TMEM132D: variants seen among roughly 807,000 people sequenced by gnomAD.
The protein encoded by TMEM132D is mature OL transmembrane protein.
TMEM132D carries 21 observed loss-of-function variants against 62.3 expected under a neutral mutation model. The observed-to-expected ratio is 0.34, with a 90% CI of 0.24 to 0.49. The LOEUF is 0.49. Among genes scored for constraint, TMEM132D ranks in the 20% least tolerant of loss-of-function variants. The pLI is 0.99. For synonymous variants in TMEM132D, 621 were observed against 575.6 expected, an observed-to-expected ratio of 1.08 and a Z score of -1.13; for missense variants, 1,346 against 1,402.8, an observed-to-expected ratio of 0.96 and a Z score of 0.65.
intron 1 of TMEM132D, among the ~76,000 whole-genome samples, chr12:129,835,026 G>A (rs1178389640): frequency 1.9e-4 from 29 of 152,170 alleles, no homozygotes; most frequent in Admixed American, 1.8e-3. Flanking sequence ...AGGATAGAGT[G>A]TAACATCAGC....
intron 5 of TMEM132D, among the ~76,000 whole-genome samples, chr12:129,206,339 G>A (rs1878847318): frequency 6.6e-6 from 1 of 152,144 alleles, no homozygotes; most frequent in Admixed American, 6.5e-5. Context: ...TGGCCAATAA[G>A]CATATGAGAA....
chr12:129,319,274 C>T (rs1219470715), intron 4 of TMEM132D, among the ~76,000 whole-genome samples: 1 of 152,226 alleles, frequency 6.6e-6, no homozygotes, highest in Non-Finnish European at 1.5e-5. Context: ...GCTCCCAGGG[C>T]CTTTCTGCTG....
At chr12:129,593,365 T>C (rs1480321953) in intron 2 of TMEM132D, among the ~76,000 whole-genome samples, 1 of 152,216 alleles carries the variant, frequency 6.6e-6, no homozygotes, top group Non-Finnish European at 1.5e-5. Context: ...CCAGATATTT[T>C]ATTGTACTAT....
chr12:129,123,520 C>T (rs544660593), intron 5 of TMEM132D, among the ~76,000 whole-genome samples: 2 of 152,274 alleles, frequency 1.3e-5, no homozygotes, highest in African/African-American at 4.8e-5. Context: ...GTGGGGTCTC[C>T]AGGGTCCATC....
At chr12:129,249,018 C>T (rs1385499923) in intron 4 of TMEM132D, among the ~76,000 whole-genome samples, 3 of 152,120 alleles carry the variant, frequency 2.0e-5, no homozygotes, top group Admixed American at 6.5e-5. Context: ...ACCCAAGTGC[C>T]CATCAGTGAT....
intron 3 of TMEM132D, among the ~76,000 whole-genome samples, chr12:129,516,835 G>A (rs1332417780): frequency 2.6e-5 from 4 of 152,198 alleles, no homozygotes; most frequent in African/African-American, 9.7e-5. Context: ...CAAGGTGTTG[G>A]CCAGGCTGGT....
chr12:129,122,939 C>T (rs565343847), intron 5 of TMEM132D, among the ~76,000 whole-genome samples: 15 of 152,150 alleles, frequency 9.9e-5, no homozygotes, highest in East Asian at 7.7e-4. Context: ...TAAGATTGGT[C>T]GCCTTGCATA....
intron 5 of TMEM132D, among the ~76,000 whole-genome samples, chr12:129,184,374 C>T: frequency 6.6e-6 from 1 of 152,226 alleles, no homozygotes; most frequent in East Asian, 1.9e-4. Context: ...TTTCGCAGAG[C>T]TGTTCTCATC....
intron 4 of TMEM132D, among the ~76,000 whole-genome samples, chr12:129,314,303 G>C (rs1437021136): frequency 6.6e-6 from 1 of 152,214 alleles, no homozygotes; most frequent in Non-Finnish European, 1.5e-5. Context: ...TAAGGTGAGA[G>C]ATGAGGATCC....
At chr12:129,483,473 TC>T (rs1874488897) in intron 3 of TMEM132D, among the ~76,000 whole-genome samples, 1 of 152,240 alleles carries the variant, frequency 6.6e-6, no homozygotes, top group Non-Finnish European at 1.5e-5. Context: ...CTTACAATAT[TC>T]TAACCCTGTG....
Position 129,463,800 on chromosome 12 carries a change from A to G in TMEM132D, c.1115+67259T>C, listed in dbSNP as rs372398754. Among the ~76,000 whole-genome samples the G allele has an allele frequency of 2.6e-4, 40 of 152,230 alleles. No homozygotes were observed. The South Asian group carries it at 2.7e-3, about 10-fold the overall frequency. The stretch of plus-strand genomic sequence containing the variant: ...TCATCCATGTCCCTACAAAGGACAT[A>G]AACTCATCATTTTTTATGGCTGCAT... On this transcript the variant is annotated intron_variant, in intron 3 of 8. Coordinates refer to ENST00000422113, the MANE Select transcript of TMEM132D (RefSeq NM_133448.3).
chr12:129,627,259 GAATAT>G lies in TMEM132D; in HGVS notation c.968+72546_968+72550del, dbSNP rs537093212. Reference sequence around the variant, plus strand: ...TGGTGCTCACATACGAATCATGTAAGAATATAATACCATATTTTGACTGTACATTT... The same window carrying G: ...TGGTGCTCACATACGAATCATGTAAGAATACCATATTTTGACTGTACATTT... On this transcript the variant is annotated intron_variant, in intron 2 of 8. Transcript: ENST00000422113. Among the ~76,000 whole-genome samples the G allele has an allele frequency of 6.5e-3, 984 of 152,286 alleles. 9 individuals are homozygous for G. Among genetic ancestry groups the G allele is most frequent in the Non-Finnish European group, 0.01 (689 of 68,012 alleles).
Position 129,181,533 on chromosome 12 carries a change from T to C in TMEM132D, c.1443+27987A>G, listed in dbSNP as rs565119953. 2.6e-5 allele frequency among the ~76,000 whole-genome samples: 4 copies of C among 152,288 alleles called. No individual in the cohort carries two copies. The East Asian group carries it at 7.7e-4, about 29-fold the overall frequency. The stretch of plus-strand genomic sequence containing the variant: ...GTCCTCCTAGGATAAAATCCCAACC[T>C]TGGCTTGATGTACACAGTGCTCCTA... On this transcript the variant is annotated intron_variant, in intron 5 of 8. Transcript: ENST00000422113.
At chr12:129,249,172 G>A (rs1336163401) in intron 4 of TMEM132D, among the ~76,000 whole-genome samples, 1 of 152,186 alleles carries the variant, frequency 6.6e-6, no homozygotes, top group Non-Finnish European at 1.5e-5. Flanking sequence ...CCTGCCAGGA[G>A]CCTGGGCCAG....
chr12:129,422,876 GTATA>G (rs72183607), intron 3 of TMEM132D, among the ~76,000 whole-genome samples: 5,708 of 148,672 alleles, frequency 0.038, 365 homozygotes, highest in African/African-American at 0.13. Flanking sequence ...ACATATATGT[GTATA>G]TATATATATA....
intron 2 of TMEM132D, among the ~76,000 whole-genome samples, chr12:129,570,402 G>A (rs750133154): frequency 1.3e-4 from 20 of 152,160 alleles, no homozygotes; most frequent in African/African-American, 1.9e-4. Context: ...ACAAGGATTC[G>A]CGTGCAGAAA....
Position 129,407,974 on chromosome 12 carries a change from A to G in TMEM132D, c.1116-70157T>C, listed in dbSNP as rs555951887. Among the ~76,000 whole-genome samples the G allele has an allele frequency of 1.3e-4, 19 of 151,442 alleles. 1 individual carries two copies. Among genetic ancestry groups the G allele is most frequent in the African/African-American group, 4.6e-4 (19 of 41,210 alleles). The stretch of plus-strand genomic sequence containing the variant: ...TACTGGAAAAGACTGGAGAGCTTTC[A>G]CCTGTAGCCTAACTTCACCCCACCT... On this transcript the variant is annotated intron_variant, in intron 3 of 8. Coordinates refer to ENST00000422113, the MANE Select transcript of TMEM132D (RefSeq NM_133448.3).
At chr12:129,516,070 A>G (rs778822230) in intron 3 of TMEM132D, among the ~76,000 whole-genome samples, 2 of 152,168 alleles carry the variant, frequency 1.3e-5, no homozygotes, top group African/African-American at 2.4e-5. Context: ...CTCCATCCTC[A>G]GGACTGCTGG....
chr12:129,181,216 C>A (rs1359116567), intron 5 of TMEM132D, among the ~76,000 whole-genome samples: 2 of 152,164 alleles, frequency 1.3e-5, no homozygotes, highest in Non-Finnish European at 2.9e-5. Flanking sequence ...CATCCTGTCT[C>A]CTGAGCCAGG....
Sources: allele counts gnomAD v4.1 joint callset (sites outside exome capture counted in the v4.1 genomes callset), GRCh38; gene constraint gnomAD v4.1.1; transcripts MANE v1.5; gene names NCBI Gene and HGNC (gene_info 2026-07-23, HGNC 2026-07-21).